JARID2: variants seen among roughly 807,000 people sequenced by gnomAD.
JARID2 encodes the protein protein Jumonji.
JARID2 carries 21 observed loss-of-function variants against 125.6 expected under a neutral mutation model. The ratio of observed to expected loss-of-function variants is 0.17; its 90% CI spans 0.12 to 0.24. JARID2 has a LOEUF of 0.24. JARID2 is among the 10% of genes least tolerant of loss of function. JARID2 has a pLI of 1.00. For missense variants in JARID2, 1,303 were observed against 1,639.6 expected (o/e 0.79, Z 3.55); for synonymous variants, 736 against 661.6 (o/e 1.11, Z -1.73).
In JARID2 at chr6:15,378,535, A is replaced by C. The variant is rs956092204; in HGVS notation, c.181+4283A>C. ...TGTAAACTGAAAGACCCATCTAACT[A>C]TGGGGCCTTTATGACTGTTAGATGT... On this transcript the variant is annotated intron_variant, in intron 2 of 17. Coordinates refer to ENST00000341776, the MANE Select transcript of JARID2 (RefSeq NM_004973.4). Among the ~76,000 whole-genome samples the C allele has an allele frequency of 2.0e-5, 3 of 152,198 alleles. No individual in the cohort carries two copies. The South Asian group carries it at 6.2e-4, about 32-fold the overall frequency.
At chr6:15,477,558 T>C (rs937324827) in intron 5 of JARID2, among the ~76,000 whole-genome samples, 1 of 148,130 alleles carries the variant, frequency 6.8e-6, no homozygotes, top group Admixed American at 6.8e-5. Context: ...AGACCAGTTA[T>C]ACAATGTATG....
intron 5 of JARID2, among the ~76,000 whole-genome samples, chr6:15,470,168 C>T (rs1313022784): frequency 8.4e-6 from 1 of 119,098 alleles, no homozygotes; most frequent in Non-Finnish European, 1.7e-5. Context: ...CAGAGCGAGA[C>T]TCTGTCTCAA....
chr6:15,326,123 C>T (rs1762525279), intron 1 of JARID2, among the ~76,000 whole-genome samples: 1 of 152,114 alleles, frequency 6.6e-6, no homozygotes, highest in Non-Finnish European at 1.5e-5. Flanking sequence ...ATATGCAGTA[C>T]ACTTCTATGC....
chr6:15,471,397 T>C (rs944581799), intron 5 of JARID2, among the ~76,000 whole-genome samples: 1 of 152,192 alleles, frequency 6.6e-6, no homozygotes, highest in Non-Finnish European at 1.5e-5. Flanking sequence ...TTAATAGAGA[T>C]TGAAGAGTGA....
chr6:15,329,338 G>A (rs1190746760), intron 1 of JARID2, among the ~76,000 whole-genome samples: 2 of 152,106 alleles, frequency 1.3e-5, no homozygotes, highest in Admixed American at 6.5e-5. Flanking sequence ...TGGGCCTGGG[G>A]AAGTCAGCTG....
rs562612229 is a variant in JARID2 at position 15,389,703 on chromosome 6, G to T, written c.181+15451G>T. ...AAAATGTTGGCAAACTCTTCACTCT[G>T]CCTGAACTCTTTTTATAAATGGAGA... On this transcript the variant is annotated intron_variant, in intron 2 of 17. Coordinates refer to ENST00000341776, the MANE Select transcript of JARID2 (RefSeq NM_004973.4). 2.6e-5 allele frequency among the ~76,000 whole-genome samples: 4 copies of T among 152,332 alleles called. No homozygotes were observed. The East Asian group carries it at 7.7e-4, about 29-fold the overall frequency.
At chr6:15,498,667 G>T (rs935753126) in intron 7 of JARID2, among the ~76,000 whole-genome samples, 1 of 152,248 alleles carries the variant, frequency 6.6e-6, no homozygotes, top group Non-Finnish European at 1.5e-5. Flanking sequence ...GCAGGATGGA[G>T]GTTTCGTGGT....
At chr6:15,491,588 A>T (rs985610021) in intron 6 of JARID2, among the ~76,000 whole-genome samples, 2 of 152,258 alleles carry the variant, frequency 1.3e-5, no homozygotes, top group Non-Finnish European at 2.9e-5. Context: ...GAGAAGAAGA[A>T]CTTGCCAGTG....
chr6:15,507,395 C>T lies in JARID2; in HGVS notation c.2710C>T (p.Arg904Cys). ...CCCCAATAACACAGGGTCCATCCTG[C>T]GTCACCTCGGTGCTGTGCCTGGTAA... ...VLPNNTGSILRHLGAVPGVTI... is the reference protein window; with the variant it reads ...VLPNNTGSILCHLGAVPGVTI... Residue 904 changes from arginine to cysteine, a missense_variant, in exon 11 of 18, where the codon CGT (arginine) becomes TGT (cysteine). By Grantham distance (180) the Arg-to-Cys change is radical (BLOSUM62 -3). This residue lies in a region of JARID2 where 27 missense variants were observed against 108.7 expected (regional missense o/e 0.25). Coordinates refer to ENST00000341776, the MANE Select transcript of JARID2 (RefSeq NM_004973.4). 1 of 1,614,038 alleles carries T rather than the reference C, an allele frequency of 6.2e-7. No homozygotes were observed. Among genetic ancestry groups the T allele is most frequent in the Non-Finnish European group, 8.5e-7 (1 of 1,179,944 alleles).
intron 1 of JARID2, among the ~76,000 whole-genome samples, chr6:15,273,249 G>A (rs996697371): frequency 2.6e-5 from 4 of 152,228 alleles, no homozygotes; most frequent in Non-Finnish European, 2.9e-5. Context: ...TACACTTAGC[G>A]GGGCTCTCTG....
chr6:15,427,186 C>A lies in JARID2; in HGVS notation c.323+16821C>A, dbSNP rs986820422. Among the ~76,000 whole-genome samples the A allele has an allele frequency of 3.3e-5, 5 of 152,224 alleles. No homozygotes were observed. In the South Asian group the frequency reaches 1.0e-3, roughly 32 times the overall value. On this transcript the variant is annotated intron_variant, in intron 3 of 17. Coordinates refer to ENST00000341776, the MANE Select transcript of JARID2 (RefSeq NM_004973.4). The stretch of plus-strand genomic sequence containing the variant: ...TCAATTCTTCTGCATAAACCTGCAC[C>A]ACACTCTGTCCTAAGAGTTCAGAGC...
chr6:15,513,452 C>A (rs774804672), intron 16 of JARID2, 30 bp downstream of exon 16: 2 of 1,568,382 alleles, frequency 1.3e-6, no homozygotes, highest in Non-Finnish European at 1.7e-6. Context: ...CCGGCGCCCT[C>A]GCATGTAGTG....
At chr6:15,382,415 G>A (rs1205207825) in intron 2 of JARID2, among the ~76,000 whole-genome samples, 1 of 152,184 alleles carries the variant, frequency 6.6e-6, no homozygotes, top group Non-Finnish European at 1.5e-5. Flanking sequence ...AGAGATTTCT[G>A]AGCAAGACCT....
At chr6:15,471,979 T>C (rs1769097715) in intron 5 of JARID2, among the ~76,000 whole-genome samples, 1 of 152,146 alleles carries the variant, frequency 6.6e-6, no homozygotes, top group South Asian at 2.1e-4. Flanking sequence ...TACTTTTTCA[T>C]TTTTTATTGT....
At chr6:15,443,987 A>G (rs1251850956) in intron 3 of JARID2, among the ~76,000 whole-genome samples, 3 of 152,234 alleles carry the variant, frequency 2.0e-5, no homozygotes, top group Admixed American at 1.3e-4. Context: ...TGTTTATTCT[A>G]AATAGCTTCC....
At chr6:15,392,314 T>G (rs1765051368) in intron 2 of JARID2, among the ~76,000 whole-genome samples, 1 of 152,174 alleles carries the variant, frequency 6.6e-6, no homozygotes, top group Non-Finnish European at 1.5e-5. Context: ...CAATCTCTAT[T>G]TCCCCTTCTC....
In JARID2 at chr6:15,496,397, T is replaced by C. The variant is rs549333235; in HGVS notation, c.1172T>C (p.Leu391Pro). Residue 391 changes from leucine (L) to proline (P), a missense_variant, in exon 7 of 18, where the codon CTA (leucine) becomes CCA (proline). This residue lies in a region of JARID2 where 651 missense variants were observed against 581.6 expected (regional missense o/e 1.12). Transcript: ENST00000341776. ...SSNAKTRKQV[L>P]SLGGASKSTG... ...AATGCAAAAACCCGCAAACAGGTGC[T>C]ATCCCTCGGGGGGGCGTCCAAGTCC... The C allele has an allele frequency of 1.9e-6, 3 of 1,614,016 alleles. No individual in the cohort carries two copies. The highest frequency in any genetic ancestry group is 2.2e-5 in the East Asian group (1 of 44,878).
rs989532640 is a variant in JARID2, at chr6:15,437,225, G to C, written c.324-14781G>C. 3.3e-5 allele frequency among the ~76,000 whole-genome samples: 5 copies of C among 152,260 alleles called. No individual in the cohort carries two copies. In the East Asian group the frequency reaches 9.7e-4, roughly 29 times the overall value. ...GAATGGCAGTCTCCACTGACTCCAT[G>C]GTGTAGTCTAGGTCATACTTTATGT... On this transcript the variant is annotated intron_variant, in intron 3 of 17. Transcript: ENST00000341776.
chr6:15,519,846 TTGA>T (rs1771747518), intron 17 of JARID2, among the ~76,000 whole-genome samples: 1 of 151,942 alleles, frequency 6.6e-6, no homozygotes, highest in Admixed American at 6.6e-5. Flanking sequence ...GACCAGGGTG[TTGA>T]TGAGGATGAA....
Sources: gnomAD v4.1 joint callset for allele counts (sites outside exome capture counted in the v4.1 genomes callset) on GRCh38, gnomAD v4.1.1 for gene constraint, gnomAD v4.1.1 regional missense constraint, MANE v1.5 for transcripts, NCBI Gene and HGNC (gene_info 2026-07-23, HGNC 2026-07-21) for gene names.